Variants in CNTNAP5 observed in about 807,000 individuals in gnomAD.
CNTNAP5 encodes the protein contactin-associated protein-like 5.
Under a neutral mutation model 150.2 loss-of-function variants are expected in CNTNAP5, and 72 were observed. The observed-to-expected ratio is 0.48, with a 90% confidence interval of 0.40 to 0.58. CNTNAP5 has a LOEUF of 0.58. Among genes scored for constraint, CNTNAP5 ranks in the 20% least tolerant of loss-of-function variants. The pLI is 0.00. For missense variants in CNTNAP5, 1,636 were observed against 1,626.2 expected (o/e 1.01, Z -0.10); for synonymous variants, 672 against 619.8 (o/e 1.08, Z -1.25).
At chr2:124,789,391 T>C (rs1266482591) in intron 17 of CNTNAP5, among the ~76,000 whole-genome samples, 10 of 152,160 alleles carry the variant, frequency 6.6e-5, no homozygotes, top group African/African-American at 1.9e-4. Context: ...GAAGGACATG[T>C]ATTTTTTTCT....
chr2:124,504,703 ATTTTTTTTTT>A (rs34518488), intron 8 of CNTNAP5, 147 bp downstream of exon 8: 3 of 370,672 alleles, frequency 8.1e-6, no homozygotes, highest in East Asian at 5.1e-5. Flanking sequence ...AAGAGGCAGC[ATTTTTTTTTT>A]TTTTTTTTTT....
rs140118475 is a variant in CNTNAP5, at chr2:124,896,537, CT to C, written c.3437-6335del. Among the ~76,000 whole-genome samples, 89 of 146,564 alleles carry C rather than the reference CT, an allele frequency of 6.1e-4. 4 individuals carry two copies. Among genetic ancestry groups the C allele is most frequent in the African/African-American group, 1.6e-3 (64 of 39,466 alleles). ...AAAATGCCTTAGGAATATGGAAGTTCTTTTTTTTTTGGTTTCTTTTGAGACA... is the reference window on the plus strand; with the variant it reads ...AAAATGCCTTAGGAATATGGAAGTTCTTTTTTTTTGGTTTCTTTTGAGACA... On this transcript the variant is annotated intron_variant, in intron 21 of 23. Transcript: ENST00000682447.
chr2:124,476,233 T>C (rs1693637410), intron 7 of CNTNAP5, among the ~76,000 whole-genome samples: 1 of 152,184 alleles, frequency 6.6e-6, no homozygotes, highest in African/African-American at 2.4e-5. Flanking sequence ...TTTAGAACCA[T>C]TTCAAGTGGT....
chr2:124,887,696 G>A (rs1678109527), intron 21 of CNTNAP5, among the ~76,000 whole-genome samples: 1 of 152,080 alleles, frequency 6.6e-6, no homozygotes, highest in Non-Finnish European at 1.5e-5. Flanking sequence ...ATTCTAGAAA[G>A]AAAACTTGGC....
At chr2:124,853,242 T>C (rs1156551282) in intron 19 of CNTNAP5, among the ~76,000 whole-genome samples, 14 of 152,224 alleles carry the variant, frequency 9.2e-5, no homozygotes, top group Non-Finnish European at 1.6e-4. Flanking sequence ...CTTTAGATCT[T>C]ATATGTACAT....
chr2:124,041,777 G>A (rs116900358), intron 1 of CNTNAP5, among the ~76,000 whole-genome samples: 1 of 152,104 alleles, frequency 6.6e-6, no homozygotes, highest in Non-Finnish European at 1.5e-5. Context: ...TAATTATGTA[G>A]CTCAAAATGT....
At chr2:124,628,370 G>T (rs1203045714) in intron 12 of CNTNAP5, among the ~76,000 whole-genome samples, 4 of 152,186 alleles carry the variant, frequency 2.6e-5, no homozygotes, top group Non-Finnish European at 4.4e-5. Context: ...GGACCTCTCA[G>T]TAGAAACTGT....
At chr2:124,612,659 G>A (rs999156472) in intron 12 of CNTNAP5, among the ~76,000 whole-genome samples, 2 of 152,200 alleles carry the variant, frequency 1.3e-5, no homozygotes, top group Non-Finnish European at 2.9e-5. Context: ...TGATCAGCTT[G>A]ATGCGTATGG....
At chr2:124,630,148 A>G (rs1269830337) in intron 12 of CNTNAP5, among the ~76,000 whole-genome samples, 1 of 152,126 alleles carries the variant, frequency 6.6e-6, no homozygotes, top group Non-Finnish European at 1.5e-5. Flanking sequence ...CAGAGGTACA[A>G]AGAGGAGCCG....
At chr2:124,622,057 C>T (rs1454724480) in intron 12 of CNTNAP5, among the ~76,000 whole-genome samples, 1 of 152,064 alleles carries the variant, frequency 6.6e-6, no homozygotes, top group African/African-American at 2.4e-5. Flanking sequence ...ACAGATCACC[C>T]CATCACCTAG....
rs1695413932 is a variant in CNTNAP5 at position 124,542,631 on chromosome 2, A to G, written c.1649+15175A>G. On this transcript the variant is annotated intron_variant, in intron 10 of 23. Coordinates refer to ENST00000682447, the MANE Select transcript of CNTNAP5 (RefSeq NM_001367498.1). Reference sequence around the variant, plus strand: ...GTCTAGTTCAAATCCTACCTACTCTACGAAGTCTTCTTGACTGCTCACACT... The same window carrying G: ...GTCTAGTTCAAATCCTACCTACTCTGCGAAGTCTTCTTGACTGCTCACACT... Among the ~76,000 whole-genome samples the G allele has an allele frequency of 2.6e-5, 4 of 152,098 alleles. No homozygotes were observed. The South Asian group carries it at 8.3e-4, about 32-fold the overall frequency.
chr2:124,310,894 C>T (rs1421132477), intron 3 of CNTNAP5, among the ~76,000 whole-genome samples: 3 of 152,164 alleles, frequency 2.0e-5, no homozygotes, highest in African/African-American at 7.2e-5. Flanking sequence ...GCCCCAGGGC[C>T]TTGTGCAAGT....
At chr2:124,551,609 G>A (rs1036050596) in intron 10 of CNTNAP5, among the ~76,000 whole-genome samples, 1 of 152,134 alleles carries the variant, frequency 6.6e-6, no homozygotes, top group Non-Finnish European at 1.5e-5. Flanking sequence ...TTGTTCTTTT[G>A]TCTCCAAGGA....
intron 3 of CNTNAP5, among the ~76,000 whole-genome samples, chr2:124,367,501 C>T (rs1287567189): frequency 1.3e-5 from 2 of 152,150 alleles, no homozygotes; most frequent in Non-Finnish European, 2.9e-5. Flanking sequence ...CACTGGGTCC[C>T]TCCCATGACA....
chr2:124,033,525 C>G (rs967085435), intron 1 of CNTNAP5, among the ~76,000 whole-genome samples: 1 of 152,086 alleles, frequency 6.6e-6, no homozygotes, highest in African/African-American at 2.4e-5. Flanking sequence ...TGTGTATTAC[C>G]ATTGACTTTT....
chr2:124,544,662 T>C (rs2104910084), intron 10 of CNTNAP5, among the ~76,000 whole-genome samples: 1 of 152,318 alleles, frequency 6.6e-6, no homozygotes, highest in Non-Finnish European at 1.5e-5. Flanking sequence ...GTGTGATACA[T>C]TTAGATTTAA....
At chr2:124,670,988 G>T (rs1202746046) in intron 13 of CNTNAP5, among the ~76,000 whole-genome samples, 4 of 152,126 alleles carry the variant, frequency 2.6e-5, no homozygotes, top group African/African-American at 9.7e-5. Flanking sequence ...ATGTGTGATT[G>T]TATTTTCCAT....
intron 2 of CNTNAP5, among the ~76,000 whole-genome samples, chr2:124,239,866 G>A (rs574075155): frequency 9.9e-5 from 15 of 152,180 alleles, no homozygotes; most frequent in African/African-American, 3.6e-4. Context: ...GAGGGGAATG[G>A]GAATTGTGAA....
intron 21 of CNTNAP5, among the ~76,000 whole-genome samples, chr2:124,891,360 G>T (rs1678191438): frequency 6.6e-6 from 1 of 152,036 alleles, no homozygotes; most frequent in Admixed American, 6.6e-5. Flanking sequence ...CTCAGAACTG[G>T]CAGGGAATAA....
Sources: allele counts gnomAD v4.1 joint callset (sites outside exome capture counted in the v4.1 genomes callset), GRCh38; gene constraint gnomAD v4.1.1; transcripts MANE v1.5; gene names NCBI Gene and HGNC (gene_info 2026-07-23, HGNC 2026-07-21).